The following SMO variants were observed in gnomAD, a reference collection of about 807,000 sequenced individuals.
SMO encodes the protein protein smoothened.
SMO carries 40 observed loss-of-function variants against 81.6 expected under a neutral mutation model. The observed-to-expected ratio is 0.49, with a 90% confidence interval of 0.38 to 0.64. The LOEUF is 0.64. SMO is among the 30% of genes least tolerant of loss of function. SMO has a pLI of 0.00. For synonymous variants in SMO, 434 were observed against 432.1 expected (o/e 1.00, Z -0.05); for missense variants, 916 against 1,061.1 (o/e 0.86, Z 1.90).
In SMO at chr7:129,206,036, G is replaced by A; in HGVS notation, c.921-114G>A. The A allele has an allele frequency of 1.0e-6, 1 of 955,010 alleles. No homozygotes were observed. The highest frequency in any genetic ancestry group is 1.6e-6 in the Non-Finnish European group (1 of 623,606). 59.2% of individuals were successfully genotyped at this position (955,010 alleles called of 1,614,324 possible). ...GACCTGGGTCCTGTCTCCAAGCCCT[G>A]ACTTCTGGGAACCTCCAGACCTCAG... On this transcript the variant is annotated intron_variant, in intron 4 of 11. Coordinates refer to ENST00000249373, the MANE Select transcript of SMO (RefSeq NM_005631.5). This position sits in a 1 kb window ranked among gnomAD's most constrained non-coding sequence, Gnocchi z 4.4.
Position 129,206,492 on chromosome 7 carries a change from G to C in SMO, c.1169G>C (p.Cys390Ser). 6.2e-7 allele frequency: 1 copy of C among 1,614,132 alleles called. No individual in the cohort carries two copies. Among genetic ancestry groups the C allele is most frequent in the Non-Finnish European group, 8.5e-7 (1 of 1,179,998 alleles). Reference sequence around the variant, plus strand: ...GATGGGGACTCTGTGAGTGGGATTTGTTTTGTGGGCTACAAGAACTACCGA... The same window carrying C: ...GATGGGGACTCTGTGAGTGGGATTTCTTTTGTGGGCTACAAGAACTACCGA... ...QVDGDSVSGI[C>S]FVGYKNYRYR... Residue 390 changes from cysteine to serine, a missense_variant, in exon 6 of 12, where the codon TGT (cysteine) becomes TCT (serine). By Grantham distance (112) the Cys-to-Ser change is moderately radical. Transcript: ENST00000249373. The surrounding 1 kb of genome is among the most constrained non-coding windows in gnomAD (Gnocchi z 4.4).
At position 129,189,542 on chromosome 7, in the gene SMO, C is replaced by A. The variant is rs911082319; in HGVS notation, c.331+60C>A. On this transcript the variant is annotated intron_variant, in intron 1 of 11. Transcript: ENST00000249373. The surrounding 1 kb of genome is among the most constrained non-coding windows in gnomAD (Gnocchi z 4.7). The stretch of plus-strand genomic sequence containing the variant: ...GGTGCCGCGGTAAGATGGGGGCACC[C>A]TTGGAAAGAACAGGCTCAGGCCTGA... 3.9e-5 allele frequency: 59 copies of A among 1,515,204 alleles called. No homozygotes were observed. Among genetic ancestry groups the A allele is most frequent in the Non-Finnish European group, 4.8e-5 (54 of 1,131,540 alleles). 93.9% of individuals were successfully genotyped at this position (1,515,204 alleles called of 1,614,324 possible).
chr7:129,189,940 G>T lies in SMO; in HGVS notation c.331+458G>T, dbSNP rs1029787792. 2.0e-5 allele frequency among the ~76,000 whole-genome samples: 3 copies of T among 152,066 alleles called. No homozygotes were observed. The highest frequency in any genetic ancestry group is 7.2e-5 in the African/African-American group (3 of 41,398). On this transcript the variant is annotated intron_variant, in intron 1 of 11. Coordinates refer to ENST00000249373, the MANE Select transcript of SMO (RefSeq NM_005631.5). This position sits in a 1 kb window ranked among gnomAD's most constrained non-coding sequence, Gnocchi z 4.7. ...AGACATTTGGAGGGAAGGGTAGGGG[G>T]ACATGATCGAGTGAAGTTTTGAAGG...
intron 1 of SMO, among the ~76,000 whole-genome samples, chr7:129,198,270 TA>T (rs2150643859): frequency 6.6e-6 from 1 of 152,296 alleles, no homozygotes; most frequent in Non-Finnish European, 1.5e-5. Context: ...TAATTACTTT[TA>T]AAAAATAGGT....
intron 8 of SMO, 144 bp downstream of exon 8, chr7:129,209,541 G>A: frequency 1.6e-6 from 1 of 613,908 alleles, no homozygotes. Context: ...GGTGCATAAG[G>A]CATCAGTCTC....
chr7:129,197,282 A>G (rs1268680163), intron 1 of SMO, among the ~76,000 whole-genome samples: 3 of 152,182 alleles, frequency 2.0e-5, no homozygotes, highest in Non-Finnish European at 4.4e-5. Context: ...TCTGGATTCT[A>G]AAAAGAAAGC....
Position 129,205,325 on chromosome 7 carries a change from G to A in SMO, c.660G>A (p.Pro220=), listed in dbSNP as rs771672391. ...VEGCGIQCQN[P]LFTEAEHQDM... is the part of the protein sequence containing the mutation. ...GCTGCGGCATCCAGTGCCAGAACCC[G>A]CTCTTCACAGAGGCTGAGCACCAGG... Residue 220 remains proline (P), a synonymous_variant, in exon 3 of 12, where the codon CCG becomes CCA. Coordinates refer to ENST00000249373, the MANE Select transcript of SMO (RefSeq NM_005631.5). 1.3e-5 allele frequency: 21 copies of A among 1,614,026 alleles called. No homozygotes were observed. Among genetic ancestry groups the A allele is most frequent in the Admixed American group, 1.7e-5 (1 of 60,006 alleles).
At chr7:129,209,451 A>G (rs1793829559) in intron 8 of SMO, 54 bp downstream of exon 8, 1 of 1,216,556 alleles carries the variant, frequency 8.2e-7, no homozygotes, top group Non-Finnish European at 1.2e-6. Flanking sequence ...AAGGCCATAA[A>G]GACACCCACC....
At position 129,205,261 on chromosome 7, in the gene SMO, G is replaced by C. The variant is rs759466401; in HGVS notation, c.596G>C (p.Arg199Pro). Residue 199 changes from arginine to proline, a missense_variant, in exon 3 of 12, where the codon CGG becomes CCG. Transcript: ENST00000249373. ...GGCCAGTGCGAAGTGCCCTTGGTTCGGACAGACAACCCCAAGAGCTGGTAC... is the reference window on the plus strand; with the variant it reads ...GGCCAGTGCGAAGTGCCCTTGGTTCCGACAGACAACCCCAAGAGCTGGTAC... The part of the protein sequence containing the change: ...SSGQCEVPLV[R>P]TDNPKSWYED... The C allele has an allele frequency of 2.5e-6, 4 of 1,614,194 alleles. No individual in the cohort carries two copies. The highest frequency in any genetic ancestry group is 3.4e-6 in the Non-Finnish European group (4 of 1,180,040).
chr7:129,205,033 G>A (rs537241038), intron 2 of SMO, among the ~76,000 whole-genome samples, 170 bp from the exon 3 acceptor site: 5 of 120,702 alleles, frequency 4.1e-5, no homozygotes, highest in South Asian at 5.3e-4. Flanking sequence ...AGAAAGAAGT[G>A]GGGAAACTGA....
At chr7:129,190,896 A>G (rs1241563578) in intron 1 of SMO, among the ~76,000 whole-genome samples, 3 of 152,252 alleles carry the variant, frequency 2.0e-5, no homozygotes, top group Non-Finnish European at 4.4e-5. Flanking sequence ...ATGTATACTC[A>G]TATATAAGAA....
intron 1 of SMO, among the ~76,000 whole-genome samples, chr7:129,193,224 C>T (rs1584653491): frequency 6.6e-6 from 1 of 152,336 alleles, no homozygotes; most frequent in Non-Finnish European, 1.5e-5. Flanking sequence ...AGCACGTAGC[C>T]TCCTTAACCA....
Position 129,212,679 on chromosome 7 carries a change from G to C in SMO, c.*228G>C. On this transcript the variant is annotated 3_prime_UTR_variant, in exon 12 of 12. Coordinates refer to ENST00000249373, the MANE Select transcript of SMO (RefSeq NM_005631.5). The surrounding 1 kb of genome is among the most constrained non-coding windows in gnomAD (Gnocchi z 5.0). ...CAGGGACAGGGCCCTGGAGCTCAGG[G>C]TCCTTGTTTCTGCCCTGCCAGCTGC... The C allele has an allele frequency of 1.8e-6, 1 of 568,888 alleles. No individual in the cohort carries two copies. The highest frequency in any genetic ancestry group is 3.2e-5 in the Admixed American group (1 of 31,220). 35.2% of individuals were successfully genotyped at this position (568,888 alleles called of 1,614,324 possible).
intron 7 of SMO, 23 bp from the exon 8 acceptor site, chr7:129,209,266 T>A (rs2150652711): frequency 6.9e-7 from 1 of 1,448,672 alleles, no homozygotes; most frequent in Non-Finnish European, 9.7e-7. Context: ...GGTAACGTCC[T>A]GTCCTGCCCC....
chr7:129,210,270 A>G lies in SMO; in HGVS notation c.1467-93A>G. The G allele has an allele frequency of 9.2e-7, 1 of 1,089,756 alleles. No homozygotes were observed. The highest frequency in any genetic ancestry group is 1.4e-6 in the Non-Finnish European group (1 of 724,688). 67.5% of individuals were successfully genotyped at this position (1,089,756 alleles called of 1,614,324 possible). On this transcript the variant is annotated intron_variant, in intron 8 of 11. Transcript: ENST00000249373. The surrounding 1 kb of genome is among the most constrained non-coding windows in gnomAD (Gnocchi z 4.7). ...CAGTGGGTTGTGATCACGCCACCGC[A>G]CTCTAGCCTGGGTGACAGAGCAAGA... is the stretch of plus-strand genomic sequence containing the variant.
chr7:129,203,501 C>T lies in SMO; in HGVS notation c.449C>T (p.Thr150Ile). The change falls in exon 2 of 12, where the codon ACC (threonine) becomes ATC (isoleucine). Residue 150 changes from threonine to isoleucine, a missense_variant. Physicochemically the swap from Thr to Ile is moderately conservative, Grantham distance 89. This residue lies in a region of SMO where 436 missense variants were observed against 570.9 expected (regional missense o/e 0.76). Transcript: ENST00000249373. ...CCCAGCCGTACCCTCTGCCAGGCCACCCGAGGCCCCTGTGCCATCGTGGAG... is the reference window on the plus strand; with the variant it reads ...CCCAGCCGTACCCTCTGCCAGGCCATCCGAGGCCCCTGTGCCATCGTGGAG... ...ELPSRTLCQATRGPCAIVERE... is the reference protein window; with the variant it reads ...ELPSRTLCQAIRGPCAIVERE... 6.2e-7 allele frequency: 1 copy of T among 1,605,636 alleles called. No individual in the cohort carries two copies. The highest frequency in any genetic ancestry group is 8.5e-7 in the Non-Finnish European group (1 of 1,177,680).
chr7:129,211,253 C>T lies in SMO; in HGVS notation c.1801+140C>T. The stretch of plus-strand genomic sequence containing the variant: ...AGGCGCTCCCTCCATCGCTCACACA[C>T]CCATTCTTCCCCCGGCCCCTCCTAC... On this transcript the variant is annotated intron_variant, in intron 10 of 11. Coordinates refer to ENST00000249373, the MANE Select transcript of SMO (RefSeq NM_005631.5). This position sits in a 1 kb window ranked among gnomAD's most constrained non-coding sequence, Gnocchi z 4.6. 1 of 908,966 alleles carries T rather than the reference C, an allele frequency of 1.1e-6. No individual in the cohort carries two copies. The highest frequency in any genetic ancestry group is 1.7e-6 in the Non-Finnish European group (1 of 578,428). The allele number at this position is 908,966 out of a possible 1,614,324, so 56.3% of individuals were successfully genotyped here. A position where few individuals can be genotyped will look rare whatever the true frequency, so the allele number is the denominator to read the frequency against.
Position 129,209,385 on chromosome 7 carries a change from G to T in SMO, c.1454G>T (p.Arg485Leu). The T allele has an allele frequency of 1.2e-6, 2 of 1,609,334 alleles. No homozygotes were observed. Among genetic ancestry groups the T allele is most frequent in the Non-Finnish European group, 1.7e-6 (2 of 1,175,662 alleles). The change falls in exon 8 of 12, where the codon CGG becomes CTG. Residue 485 changes from arginine to leucine, a missense_variant. By Grantham distance (102) the Arg-to-Leu change is moderately radical. Around this residue, in one of 4 missense-constraint regions of SMO, gnomAD observed 436 missense variants for 570.9 expected, o/e 0.76. Transcript: ENST00000249373. Reference sequence around the variant, plus strand: ...CAGGCTGAGTGGGAGCGCAGCTTCCGGGACTATGTGCTGTGAGTGAGGGGC... The same window carrying T: ...CAGGCTGAGTGGGAGCGCAGCTTCCTGGACTATGTGCTGTGAGTGAGGGGC... Reference protein sequence around the residue: ...FNQAEWERSFRDYVLCQANVT... With the variant: ...FNQAEWERSFLDYVLCQANVT...
chr7:129,211,615 T>C lies in SMO; in HGVS notation c.1802-21T>C. ...CGGGAAGTCACTATTCCTTCTCCTT[T>C]CCTTCCTTCCATTCCCACAGCGGGC... On this transcript the variant is annotated intron_variant, in intron 10 of 11. Transcript: ENST00000249373. This position sits in a 1 kb window ranked among gnomAD's most constrained non-coding sequence, Gnocchi z 4.6. The C allele has an allele frequency of 1.2e-6, 2 of 1,610,722 alleles. No individual in the cohort carries two copies. Among genetic ancestry groups the C allele is most frequent in the Non-Finnish European group, 1.7e-6 (2 of 1,178,946 alleles).
Sources: allele counts gnomAD v4.1 joint callset (sites outside exome capture counted in the v4.1 genomes callset), GRCh38; gene constraint gnomAD v4.1.1; regional missense constraint gnomAD v4.1.1; non-coding constraint Gnocchi (gnomAD v3.1); transcripts MANE v1.5; gene names NCBI Gene and HGNC (gene_info 2026-07-23, HGNC 2026-07-21).